COQ8A: variants seen among roughly 807,000 people sequenced by gnomAD.
The protein encoded by COQ8A is atypical kinase COQ8A, mitochondrial.
Under a neutral mutation model 65.0 loss-of-function variants are expected in COQ8A, and 51 were observed. The observed-to-expected ratio is 0.78, with a 90% CI of 0.63 to 0.99. The LOEUF (loss-of-function observed/expected upper bound fraction) is 0.99. Among genes scored for constraint, COQ8A ranks in the 50% least tolerant of loss-of-function variants. The pLI is 0.00. For synonymous variants in COQ8A, 371 were observed against 353.2 expected (o/e 1.05, Z -0.57); for missense variants, 940 against 875.0 (o/e 1.07, Z -0.94).
At chr1:226,985,431 C>T in intron 14 of COQ8A, 91 bp downstream of exon 14, 1 of 1,482,804 alleles carries the variant, frequency 6.7e-7, no homozygotes, top group Non-Finnish European at 9.4e-7. Context: ...GGGCAGCTGC[C>T]CTCAAGGGGC....
In COQ8A at chr1:226,987,325, G is replaced by A. The variant is rs1216467317; in HGVS notation, c.*588G>A. 1 of 154,932 alleles carries A rather than the reference G, an allele frequency of 6.5e-6. No homozygotes were observed. Among genetic ancestry groups the A allele is most frequent in the Non-Finnish European group, 1.4e-5 (1 of 69,880 alleles). The allele number at this position is 154,932 out of a possible 1,614,324, so 9.6% of individuals were successfully genotyped here. Reference sequence around the variant, plus strand: ...AGCTGAATGTTCCTAAAGAACTGCTGCCCCACAGTGAGGGTGGGAGCAGCG... The same window carrying A: ...AGCTGAATGTTCCTAAAGAACTGCTACCCCACAGTGAGGGTGGGAGCAGCG... On this transcript the variant is annotated 3_prime_UTR_variant, in exon 15 of 15. Coordinates refer to ENST00000366777, the MANE Select transcript of COQ8A (RefSeq NM_020247.5).
At chr1:226,944,391 T>C (rs764350234) in intron 1 of COQ8A, among the ~76,000 whole-genome samples, 4 of 151,830 alleles carry the variant, frequency 2.6e-5, no homozygotes, top group African/African-American at 9.7e-5. Context: ...GAGAGTGGGC[T>C]TGTGGGCTTC....
In COQ8A at chr1:226,986,873, G is replaced by A; in HGVS notation, c.*136G>A. ...GGGGGTGGCTGCCTGGAGCCCCGTA[G>A]CCAGCGCTTTCCACGGTTTCTGTTG... On this transcript the variant is annotated 3_prime_UTR_variant, in exon 15 of 15. Coordinates refer to ENST00000366777, the MANE Select transcript of COQ8A (RefSeq NM_020247.5). 9.1e-7 allele frequency: 1 copy of A among 1,101,244 alleles called. No homozygotes were observed. 68.2% of individuals were successfully genotyped at this position (1,101,244 alleles called of 1,614,324 possible).
intron 1 of COQ8A, among the ~76,000 whole-genome samples, chr1:226,940,982 C>A (rs1349827059): frequency 6.6e-6 from 1 of 152,154 alleles, no homozygotes; most frequent in Non-Finnish European, 1.5e-5. Flanking sequence ...TTTGGCCTTT[C>A]CTCTTCTCCA....
intron 1 of COQ8A, among the ~76,000 whole-genome samples, chr1:226,961,011 A>G (rs1285325389): frequency 6.6e-6 from 1 of 152,078 alleles, no homozygotes; most frequent in Non-Finnish European, 1.5e-5. Context: ...TGAACCCTAG[A>G]CTGGGAGTCT....
At chr1:226,948,531 C>A (rs1310164746) in intron 1 of COQ8A, among the ~76,000 whole-genome samples, 1 of 152,172 alleles carries the variant, frequency 6.6e-6, no homozygotes, top group African/African-American at 2.4e-5. Flanking sequence ...AGTATTTTGG[C>A]CAGATTTAAA....
chr1:226,956,199 C>G (rs1657738270), intron 1 of COQ8A, among the ~76,000 whole-genome samples: 1 of 130,660 alleles, frequency 7.7e-6, no homozygotes. Context: ...CACACTCTCC[C>G]TGGCTGCCAC....
intron 1 of COQ8A, among the ~76,000 whole-genome samples, chr1:226,951,622 G>A (rs1394560463): frequency 6.6e-6 from 1 of 152,114 alleles, no homozygotes; most frequent in East Asian, 1.9e-4. Context: ...TTATTGGGGT[G>A]TTCTCATTCA....
rs10482 is a variant in COQ8A, at chr1:226,987,418, G to A, written c.*681G>A. On this transcript the variant is annotated 3_prime_UTR_variant, in exon 15 of 15. Coordinates refer to ENST00000366777, the MANE Select transcript of COQ8A (RefSeq NM_020247.5). Reference sequence around the variant, plus strand: ...GGGGTGGGACTTCCTTCCTCTGTCCGGAGAGGCACAGGTGTCACCAGTTCC... The same window carrying A: ...GGGGTGGGACTTCCTTCCTCTGTCCAGAGAGGCACAGGTGTCACCAGTTCC... 0.063 allele frequency: 9,676 copies of A among 152,886 alleles called. 498 individuals are homozygous for A. Among genetic ancestry groups the A allele is most frequent in the East Asian group, 0.25 (1,291 of 5,176 alleles). 9.5% of individuals were successfully genotyped at this position (152,886 alleles called of 1,614,324 possible).
At position 226,982,963 on chromosome 1, in the gene COQ8A, GC is replaced by G; in HGVS notation, c.1011del (p.Ala338ProfsTer12). ...KLEYFEERPF[A>X]AASIGQVHLA... ...GGAATACTTCGAGGAGCGGCCCTTC[GC>G]CGCCGCATCCATTGGGCAGGTGCAC... On this transcript the variant is annotated frameshift_variant, in exon 8 of 15. Coordinates refer to ENST00000366777, the MANE Select transcript of COQ8A (RefSeq NM_020247.5). LOFTEE classifies it high-confidence loss of function. The G allele has an allele frequency of 6.2e-7, 1 of 1,604,544 alleles. No homozygotes were observed. The highest frequency in any genetic ancestry group is 8.5e-7 in the Non-Finnish European group (1 of 1,176,264).
chr1:226,986,778 T>TC lies in COQ8A; in HGVS notation c.*44dup, dbSNP rs2148144446. The TC allele has an allele frequency of 6.3e-7, 1 of 1,598,432 alleles. No homozygotes were observed. The highest frequency in any genetic ancestry group is 2.2e-5 in the East Asian group (1 of 44,490). ...CCAGGCCGGCTCCGCGGGAACTCTC[T>TC]CCCTCAGACAGGCCAAAAACCAGTA... On this transcript the variant is annotated 3_prime_UTR_variant, in exon 15 of 15. Transcript: ENST00000366777.
chr1:226,961,611 C>T (rs761550397), intron 2 of COQ8A, 49 bp downstream of exon 2: 13 of 1,568,588 alleles, frequency 8.3e-6, no homozygotes, highest in Non-Finnish European at 1.1e-5. Context: ...GAGGGTGGGA[C>T]CTGGAGCTCT....
At chr1:226,982,188 G>A (rs753303807) in intron 6 of COQ8A, 39 bp downstream of exon 6, 2 of 1,544,796 alleles carry the variant, frequency 1.3e-6, no homozygotes, top group African/African-American at 1.4e-5. Flanking sequence ...GGACTGCGTG[G>A]GCTGCTGGGG....
chr1:226,976,223 C>T (rs111263379), intron 4 of COQ8A, among the ~76,000 whole-genome samples: 2 of 113,268 alleles, frequency 1.8e-5, no homozygotes, highest in African/African-American at 3.4e-5. Flanking sequence ...TGCCTGGCTG[C>T]GGGGCTGTGG....
chr1:226,979,286 T>C (rs1358479969), intron 5 of COQ8A, among the ~76,000 whole-genome samples: 1 of 152,176 alleles, frequency 6.6e-6, no homozygotes, highest in Non-Finnish European at 1.5e-5. Context: ...TTCGTGCTGC[T>C]GTGATGAGGA....
chr1:226,976,853 A>G (rs2148101260), intron 4 of COQ8A, among the ~76,000 whole-genome samples: 1 of 152,306 alleles, frequency 6.6e-6, no homozygotes, highest in South Asian at 2.1e-4. Flanking sequence ...AAGGTGGGCG[A>G]GAGGGCCTTC....
At chr1:226,970,787 T>A (rs1186936007) in intron 4 of COQ8A, among the ~76,000 whole-genome samples, 2 of 152,242 alleles carry the variant, frequency 1.3e-5, no homozygotes, top group Non-Finnish European at 2.9e-5. Context: ...CCATATGAAT[T>A]TAGATTTACC....
rs1395125342 is a variant in COQ8A, at chr1:226,944,750, TGAGAGAGAGAGA to T, written c.-10+4353_-10+4364del. On this transcript the variant is annotated intron_variant, in intron 1 of 14. Coordinates refer to ENST00000366777, the MANE Select transcript of COQ8A (RefSeq NM_020247.5). ...GAGAGAGAGAGAGAGAGAGAGAGAGTGAGAGAGAGAGAGTGAGAGAGAGAGAGTGAGAGAGAG... is the reference window on the plus strand; with the variant it reads ...GAGAGAGAGAGAGAGAGAGAGAGAGTGTGAGAGAGAGAGAGTGAGAGAGAG... Among the ~76,000 whole-genome samples, 75 of 24,674 alleles carry T rather than the reference TGAGAGAGAGAGA, an allele frequency of 3.0e-3. 2 individuals are homozygous for T. In the South Asian group the frequency reaches 0.041, roughly 14 times the overall value. 16.2% of individuals were successfully genotyped at this position (24,674 alleles called of 152,430 possible).
chr1:226,976,522 C>T (rs879010126), intron 4 of COQ8A, among the ~76,000 whole-genome samples: 2 of 152,104 alleles, frequency 1.3e-5, no homozygotes, highest in African/African-American at 2.4e-5. Context: ...TCAGCCCTGC[C>T]GGCCATGGTC....
Sources: allele counts gnomAD v4.1 joint callset (sites outside exome capture counted in the v4.1 genomes callset), GRCh38; gene constraint gnomAD v4.1.1; transcripts MANE v1.5; gene names NCBI Gene and HGNC (gene_info 2026-07-23, HGNC 2026-07-21).